The following PCDHA8 variants were observed in gnomAD, a reference collection of about 807,000 sequenced individuals.
PCDHA8 encodes the protein protocadherin alpha 8.
In PCDHA8, 53 loss-of-function variants were observed where a neutral mutation model predicts 61.8. The observed-to-expected ratio is 0.86, with a 90% CI of 0.69 to 1.08. PCDHA8 has a LOEUF of 1.08. Among genes scored for constraint, PCDHA8 ranks in the 50% least tolerant of loss-of-function variants. The pLI is 0.00. For missense variants in PCDHA8, 1,293 were observed against 1,245.0 expected (o/e 1.04, Z -0.58); for synonymous variants, 618 against 556.6 (o/e 1.11, Z -1.55).
intron 1 of PCDHA8, chr5:140,871,353 G>T: frequency 6.2e-7 from 1 of 1,614,214 alleles, no homozygotes; most frequent in Non-Finnish European, 8.5e-7. Flanking sequence ...GGTCATACTC[G>T]CAGCAGAGGC....
chr5:140,910,274 G>A (rs1185029668), intron 1 of PCDHA8, among the ~76,000 whole-genome samples: 1 of 152,030 alleles, frequency 6.6e-6, no homozygotes, highest in Non-Finnish European at 1.5e-5. Flanking sequence ...TCACTTCTAG[G>A]AACACCATGA....
intron 1 of PCDHA8, among the ~76,000 whole-genome samples, chr5:140,897,593 G>A (rs1185165472): frequency 6.6e-6 from 1 of 152,014 alleles, no homozygotes; most frequent in Non-Finnish European, 1.5e-5. Context: ...TGTCATTGTT[G>A]GACATTTGGG....
intron 3 of PCDHA8, among the ~76,000 whole-genome samples, chr5:141,008,432 C>T (rs2098376587): frequency 6.6e-6 from 1 of 152,082 alleles, no homozygotes. Context: ...ATCACTTTGC[C>T]CAGACAGACC....
Position 140,929,404 on chromosome 5 carries a change from G to A in PCDHA8, c.2395-49545G>A, listed in dbSNP as rs530409256. 1.4e-5 allele frequency: 21 copies of A among 1,506,596 alleles called. No individual in the cohort carries two copies. The South Asian group carries it at 1.9e-4, about 14-fold the overall frequency. The allele number at this position is 1,506,596 out of a possible 1,614,324, so 93.3% of individuals were successfully genotyped here. A position where few individuals can be genotyped will look rare whatever the true frequency, so the allele number is the denominator to read the frequency against. ...GTGTTTTGAAATATTTCTTAGACAAGCCTTTCACAACATTTCATCAATTGA... is the reference window on the plus strand; with the variant it reads ...GTGTTTTGAAATATTTCTTAGACAAACCTTTCACAACATTTCATCAATTGA... On this transcript the variant is annotated intron_variant, in intron 1 of 3. Coordinates refer to ENST00000531613, the MANE Select transcript of PCDHA8 (RefSeq NM_018911.3).
chr5:140,875,411 T>C, intron 1 of PCDHA8: 1 of 1,503,674 alleles, frequency 6.7e-7, no homozygotes, highest in Non-Finnish European at 8.9e-7. Context: ...GCTCATAAAA[T>C]ACCTCAGGCA....
chr5:140,919,954 T>G (rs1159524037), intron 1 of PCDHA8, among the ~76,000 whole-genome samples: 2 of 149,936 alleles, frequency 1.3e-5, no homozygotes, highest in East Asian at 4.0e-4. Context: ...AAAAGTTTGT[T>G]TTGTTTTTTA....
In PCDHA8 at chr5:140,923,554, G is replaced by T. The variant is rs117642898; in HGVS notation, c.2395-55395G>T. Among the ~76,000 whole-genome samples the T allele has an allele frequency of 6.2e-4, 95 of 152,226 alleles. No individual in the cohort carries two copies. The East Asian group carries it at 0.017, about 28-fold the overall frequency. On this transcript the variant is annotated intron_variant, in intron 1 of 3. Coordinates refer to ENST00000531613, the MANE Select transcript of PCDHA8 (RefSeq NM_018911.3). ...AAAAAAAGGACAAAATGAAATATCA[G>T]CAATGAAAGGTCCTGCTAAAGAGAA...
At chr5:140,858,475 G>A in intron 1 of PCDHA8, 1 of 1,517,006 alleles carries the variant, frequency 6.6e-7, no homozygotes, top group Non-Finnish European at 9.0e-7. Flanking sequence ...TGTGCTTTAT[G>A]AATAATATTT....
intron 1 of PCDHA8, chr5:140,866,771 G>T (rs1274249290): frequency 2.0e-5 from 3 of 152,268 alleles, no homozygotes; most frequent in Non-Finnish European, 2.9e-5. Flanking sequence ...CAGGCAGATT[G>T]TATGTCCTGA....
rs149448038 is a variant in PCDHA8 at position 140,843,600 on chromosome 5, C to T, written c.2279C>T (p.Ser760Phe). Residue 760 changes from serine to phenylalanine, a missense_variant, in exon 1 of 4, where the codon TCT becomes TTT. Coordinates refer to ENST00000531613, the MANE Select transcript of PCDHA8 (RefSeq NM_018911.3). Reference sequence around the variant, plus strand: ...CAACAACAGCCGCAGAGGGTGTGCTCTGGTGAGGGGCCACCGAAGACGGAC... The same window carrying T: ...CAACAACAGCCGCAGAGGGTGTGCTTTGGTGAGGGGCCACCGAAGACGGAC... ...YSQQQPQRVC[S>F]GEGPPKTDLM... The T allele has an allele frequency of 1.0e-4, 165 of 1,596,060 alleles. 9 individuals are homozygous for T. The African/African-American group carries it at 2.0e-3, about 20-fold the overall frequency.
At position 140,869,261 on chromosome 5, in the gene PCDHA8, G is replaced by A. The variant is rs782291113; in HGVS notation, c.2394+25546G>A. 3 of 1,613,572 alleles carry A rather than the reference G, an allele frequency of 1.9e-6. No individual in the cohort carries two copies. In the Admixed American group the frequency reaches 5.0e-5, roughly 27 times the overall value. On this transcript the variant is annotated intron_variant, in intron 1 of 3. Transcript: ENST00000531613. ...GTGGGCCGCATCGCGCAGGACCTGG[G>A]GCTGGAGCTGGCGGAGCTGGTGCAG...
At chr5:140,858,227 G>C (rs782000026) in intron 1 of PCDHA8, 1 of 1,596,486 alleles carries the variant, frequency 6.3e-7, no homozygotes. Context: ...GGCGCCCACC[G>C]AGGGCGCATG....
chr5:140,841,311 G>C lies in PCDHA8; in HGVS notation c.-11G>C. ...AAGATAATATTTTCTGATAGGAAAC[G>C]ACTATTTAACATGGATTATCACTGG... On this transcript the variant is annotated 5_prime_UTR_variant, in exon 1 of 4. Coordinates refer to ENST00000531613, the MANE Select transcript of PCDHA8 (RefSeq NM_018911.3). 2 of 1,582,248 alleles carry C rather than the reference G, an allele frequency of 1.3e-6. No homozygotes were observed. Among genetic ancestry groups the C allele is most frequent in the Non-Finnish European group, 1.7e-6 (2 of 1,164,980 alleles).
chr5:140,852,589 T>TA (rs1324602977), intron 1 of PCDHA8: 6 of 884,534 alleles, frequency 6.8e-6, no homozygotes, highest in African/African-American at 2.0e-5. Flanking sequence ...TTTATTTTTT[T>TA]TTTTTGTCAT....
intron 1 of PCDHA8, chr5:140,877,218 G>A: frequency 6.2e-7 from 1 of 1,613,726 alleles, no homozygotes; most frequent in Non-Finnish European, 8.5e-7. Context: ...AGTTGGTACC[G>A]CGGTCGGTGG....
At chr5:140,998,903 G>A (rs1465203456) in intron 3 of PCDHA8, among the ~76,000 whole-genome samples, 9 of 152,156 alleles carry the variant, frequency 5.9e-5, no homozygotes, top group African/African-American at 1.7e-4. Flanking sequence ...CAATGCCTCC[G>A]GGAGGTAGCT....
chr5:140,968,753 C>T (rs782591270), intron 1 of PCDHA8: 8 of 1,614,018 alleles, frequency 5.0e-6, no homozygotes, highest in Non-Finnish European at 6.8e-6. Flanking sequence ...CGTGGTGGTC[C>T]GAGATAATGG....
chr5:140,928,223 A>G (rs2085050678), intron 1 of PCDHA8: 1 of 1,614,178 alleles, frequency 6.2e-7, no homozygotes. Flanking sequence ...AATACACCAA[A>G]CTTTCCTCAA....
chr5:140,971,165 G>C (rs1390176241), intron 1 of PCDHA8, among the ~76,000 whole-genome samples: 1 of 152,136 alleles, frequency 6.6e-6, no homozygotes, highest in Non-Finnish European at 1.5e-5. Context: ...GCTCAGCTTT[G>C]CCACCAGCTG....
Sources: allele counts gnomAD v4.1 joint callset (sites outside exome capture counted in the v4.1 genomes callset), GRCh38; gene constraint gnomAD v4.1.1; transcripts MANE v1.5; gene names NCBI Gene and HGNC (gene_info 2026-07-23, HGNC 2026-07-21).